Variants in ZNF841 observed in about 807,000 individuals in gnomAD.
The protein encoded by ZNF841 is TCONS_00006091.
In ZNF841, 11 loss-of-function variants were observed where a neutral mutation model predicts 13.0. The ratio of observed to expected loss-of-function variants is 0.85; its 90% confidence interval spans 0.53 to 1.40. ZNF841 has a LOEUF of 1.40. Among genes scored for constraint, ZNF841 ranks in the 40% most tolerant of loss-of-function variants. The pLI is 0.00. For synonymous variants in ZNF841, 369 were observed against 381.6 expected, an observed-to-expected ratio of 0.97 and a Z score of 0.38; for missense variants, 1,068 against 1,139.5, an observed-to-expected ratio of 0.94 and a Z score of 0.90.
chr19:52,066,335 T>C lies in ZNF841; in HGVS notation c.1547A>G (p.Asn516Ser). 6.2e-7 allele frequency: 1 copy of C among 1,614,066 alleles called. No homozygotes were observed. The highest frequency in any genetic ancestry group is 8.5e-7 in the Non-Finnish European group (1 of 1,179,946). Residue 516 changes from asparagine to serine, a missense_variant, in exon 7 of 7, where the codon AAT becomes AGT. Physicochemically the swap from Asn to Ser is conservative, Grantham distance 46. Coordinates refer to ENST00000594440, the MANE Select transcript of ZNF841 (RefSeq NM_001136499.2). The stretch of plus-strand genomic sequence containing the variant: ...CCAATTAAAGGCTTTGCCACATTCA[T>C]TACATTTGTAAGGTTTCTCTCCAGT... ...VHTGEKPYKC[N>S]ECGKAFNWGS... is the part of the protein sequence containing the mutation.
downstream of ZNF841, chr19:52,063,574 C>A (rs2087442055): frequency 6.6e-6 from 1 of 151,832 alleles, no homozygotes; most frequent in Non-Finnish European, 1.5e-5. Flanking sequence ...TCTCAAACTC[C>A]TGACATCAGA....
At chr19:52,061,128 T>G (rs1363629273), downstream of ZNF841, among the ~76,000 whole-genome samples, 3 of 152,142 alleles carry the variant, frequency 2.0e-5, no homozygotes, top group Non-Finnish European at 4.4e-5. Flanking sequence ...CAGGTAAAAT[T>G]TGGGTCACCT....
At chr19:52,094,053 G>C (rs948016327) in intron 1 of ZNF841, 82 bp from the exon 2 acceptor site, 1 of 152,074 alleles carries the variant, frequency 6.6e-6, no homozygotes, top group Non-Finnish European at 1.5e-5. Context: ...ATATCTTGTA[G>C]TGACAGTCAG....
chr19:52,072,401 C>T lies in ZNF841; in HGVS notation c.271+3643G>A, dbSNP rs558126289. ...AAATTTTTCAGAACTGCACATGAAA[C>T]ATTTTTCAAAAGAAATATCGGAAAA... is the stretch of plus-strand genomic sequence containing the variant. On this transcript the variant is annotated intron_variant, in intron 6 of 6. Transcript: ENST00000594440. Among the ~76,000 whole-genome samples the T allele has an allele frequency of 2.8e-3, 429 of 152,180 alleles. 1 individual carries two copies. The highest frequency in any genetic ancestry group is 9.9e-3 in the African/African-American group (411 of 41,498).
chr19:52,085,672 C>G (rs1419190912), intron 3 of ZNF841, among the ~76,000 whole-genome samples: 1 of 152,252 alleles, frequency 6.6e-6, no homozygotes, highest in Admixed American at 6.5e-5. Context: ...CCAGACAGCC[C>G]AGGTAGAGGC....
At chr19:52,078,700 GAAAA>G (rs57446208) in intron 4 of ZNF841, among the ~76,000 whole-genome samples, 1 of 104,546 alleles carries the variant, frequency 9.6e-6, no homozygotes. Context: ...CTCCATCTCG[GAAAA>G]AAAAAAAAAA....
intron 6 of ZNF841, among the ~76,000 whole-genome samples, chr19:52,067,977 A>G (rs1486752914): frequency 2.6e-5 from 4 of 152,164 alleles, no homozygotes; most frequent in Non-Finnish European, 5.9e-5. Flanking sequence ...AGTTACATAT[A>G]TTTATTTCAT....
intron 2 of ZNF841, among the ~76,000 whole-genome samples, chr19:52,092,330 G>T (rs2088523542): frequency 6.6e-6 from 1 of 151,938 alleles, no homozygotes; most frequent in South Asian, 2.1e-4. Context: ...AATAAAAATG[G>T]GCAAAGGACC....
At position 52,066,732 on chromosome 19, in the gene ZNF841, G is replaced by T. The variant is rs761499237; in HGVS notation, c.1150C>A (p.Gln384Lys). The change falls in exon 7 of 7, where the codon CAA (glutamine) becomes AAA (lysine). Residue 384 changes from glutamine to lysine, a missense_variant. Coordinates refer to ENST00000594440, the MANE Select transcript of ZNF841 (RefSeq NM_001136499.2). Reference sequence around the variant, plus strand: ...TGATGAGTTGCAAGAGAGGAACTTTGACTAAAGCACTTCCCACATCGATTA... The same window carrying T: ...TGATGAGTTGCAAGAGAGGAACTTTTACTAAAGCACTTCCCACATCGATTA... Reference protein sequence around the residue: ...KCNRCGKCFSQSSSLATHQTV... With the variant: ...KCNRCGKCFSKSSSLATHQTV... 10 of 1,610,768 alleles carry T rather than the reference G, an allele frequency of 6.2e-6. No individual in the cohort carries two copies. The East Asian group carries it at 1.3e-4, about 22-fold the overall frequency.
At chr19:52,062,768 T>A (rs537606846), downstream of ZNF841, among the ~76,000 whole-genome samples, 3 of 152,334 alleles carry the variant, frequency 2.0e-5, no homozygotes, top group African/African-American at 2.4e-5. Context: ...AAATTTTGTC[T>A]TGTGGTTATT....
chr19:52,071,476 T>C (rs1321302055), intron 6 of ZNF841, among the ~76,000 whole-genome samples: 1 of 152,058 alleles, frequency 6.6e-6, no homozygotes, highest in East Asian at 1.9e-4. Flanking sequence ...AGGCAAAGAT[T>C]TGAGAAAACA....
chr19:52,062,871 A>T (rs1042063726), downstream of ZNF841, among the ~76,000 whole-genome samples: 11 of 120,128 alleles, frequency 9.2e-5, no homozygotes, highest in Middle Eastern at 4.5e-3. Context: ...CTGTTGAGAA[A>T]TTTTTTTTTT....
chr19:52,064,223 G>A (rs1403296938), downstream of ZNF841, among the ~76,000 whole-genome samples: 3 of 151,816 alleles, frequency 2.0e-5, no homozygotes, highest in African/African-American at 4.8e-5. Flanking sequence ...GCGAGCGCCT[G>A]TAGTCCCAGC....
At chr19:52,090,647 G>A (rs2088443220) in intron 2 of ZNF841, among the ~76,000 whole-genome samples, 1 of 120,252 alleles carries the variant, frequency 8.3e-6, no homozygotes, top group African/African-American at 3.6e-5. Flanking sequence ...AGGAAGGAAG[G>A]AAGGAAGGAA....
chr19:52,078,428 G>A lies in ZNF841; in HGVS notation c.16-1344C>T, dbSNP rs186560823. Among the ~76,000 whole-genome samples, 438 of 152,228 alleles carry A rather than the reference G, an allele frequency of 2.9e-3. 4 individuals carry two copies. Among genetic ancestry groups the A allele is most frequent in the South Asian group, 0.014 (68 of 4,818 alleles). ...GCAAATCACTGGGACAAAGAAATAT[G>A]TAAAAAAGTTTTTATAATCCCAGCA... On this transcript the variant is annotated intron_variant, in intron 4 of 6. Transcript: ENST00000594440.
intron 4 of ZNF841, among the ~76,000 whole-genome samples, chr19:52,084,168 G>A (rs1014144095): frequency 1.3e-5 from 2 of 152,006 alleles, no homozygotes; most frequent in Admixed American, 1.3e-4. Context: ...GGATGGATAT[G>A]CTGAGAATGG....
chr19:52,065,317 G>A lies in ZNF841; in HGVS notation c.2565C>T (p.Gly855=), dbSNP rs1364812286. 7 of 1,611,530 alleles carry A rather than the reference G, an allele frequency of 4.3e-6. No individual in the cohort carries two copies. The highest frequency in any genetic ancestry group is 5.9e-6 in the Non-Finnish European group (7 of 1,178,558). ...GGCAAGACCGCCGCCCAAACGCCTT[G>A]CCACATTCCATACATTTGTATGGCT... ...GEKPYKCMEC[G]KAFGRRSCLT... The change falls in exon 7 of 7, where the codon GGC becomes GGT. Residue 855 remains glycine (G), a synonymous_variant. Transcript: ENST00000594440.
Position 52,076,062 on chromosome 19 carries a change from T to G in ZNF841, c.253A>C (p.Met85Leu), listed in dbSNP as rs375319177. 2 of 1,552,798 alleles carry G rather than the reference T, an allele frequency of 1.3e-6. No individual in the cohort carries two copies. The highest frequency in any genetic ancestry group is 1.7e-6 in the Non-Finnish European group (2 of 1,147,644). The stretch of plus-strand genomic sequence containing the variant: ...CTCTTACCGGTGATCACGCCTTTCA[T>G]GCATTCCCCACAGTTTGGGTTCCTC... Reference protein sequence around the residue: ...IARNPNCGECMKGVITGISPK... With the variant: ...IARNPNCGECLKGVITGISPK... The change falls in exon 6 of 7, where the codon ATG (methionine) becomes CTG (leucine). Residue 85 changes from methionine (M) to leucine (L), a missense_variant. Physicochemically the swap from Met to Leu is conservative, Grantham distance 15 (BLOSUM62 2). Transcript: ENST00000594440.
rs142353757 is a variant in ZNF841 at position 52,064,599 on chromosome 19, G to A, written c.*508C>T. 1,934 of 153,866 alleles carry A rather than the reference G, an allele frequency of 0.013. 21 individuals carry two copies. The highest frequency in any genetic ancestry group is 0.023 in the Admixed American group (347 of 15,280). 9.5% of individuals were successfully genotyped at this position (153,866 alleles called of 1,614,324 possible). On this transcript the variant is annotated 3_prime_UTR_variant, in exon 7 of 7. Transcript: ENST00000594440. ...TGGGAGGTGAAGGGCATGTCACATG[G>A]CCAGAAGAACAAACAAGAGGGAGGT...
Sources: gnomAD v4.1 joint callset for allele counts (sites outside exome capture counted in the v4.1 genomes callset) on GRCh38, gnomAD v4.1.1 for gene constraint, MANE v1.5 for transcripts, NCBI Gene and HGNC (gene_info 2026-07-23, HGNC 2026-07-21) for gene names.